The following FKTN variants were observed in gnomAD, a reference collection of about 807,000 sequenced individuals.
The protein encoded by FKTN is ribitol-5-phosphate transferase FKTN.
A neutral mutation model predicts 58.6 loss-of-function variants in FKTN; 47 were observed. The observed-to-expected ratio is 0.80, with a 90% confidence interval of 0.63 to 1.02. The LOEUF (loss-of-function observed/expected upper bound fraction) is 1.02, where lower values mean the gene tolerates loss of function less well. FKTN is among the 50% of genes least tolerant of loss of function. The pLI is 0.00. For synonymous variants in FKTN, 178 were observed against 191.9 expected (o/e 0.93, Z 0.60); for missense variants, 516 against 537.3 (o/e 0.96, Z 0.39).
intron 10 of FKTN, among the ~76,000 whole-genome samples, chr9:105,631,089 C>A (rs538110357): frequency 6.6e-6 from 1 of 152,110 alleles, no homozygotes; most frequent in South Asian, 2.1e-4. Flanking sequence ...GCTGAGGTCG[C>A]ACCACTGTAC....
At chr9:105,580,662 G>T (rs1403541786) in intron 3 of FKTN, among the ~76,000 whole-genome samples, 1 of 39,472 alleles carries the variant, frequency 2.5e-5, no homozygotes. Flanking sequence ...TGCTCTTCTC[G>T]AGGAGTATCT....
chr9:105,583,451 T>C (rs1159031541), intron 3 of FKTN, among the ~76,000 whole-genome samples: 3 of 152,174 alleles, frequency 2.0e-5, no homozygotes, highest in African/African-American at 2.4e-5. Context: ...CCATTAGAGG[T>C]CGTTTCTTTG....
At chr9:105,591,556 T>G (rs930022327) in intron 3 of FKTN, among the ~76,000 whole-genome samples, 2 of 152,206 alleles carry the variant, frequency 1.3e-5, no homozygotes, top group African/African-American at 4.8e-5. Flanking sequence ...CTTGGGCAGC[T>G]CAGACCCTGT....
At chr9:105,626,981 C>CTTTT (rs60710867) in intron 10 of FKTN, among the ~76,000 whole-genome samples, 80 of 128,026 alleles carry the variant, frequency 6.2e-4, no homozygotes, top group African/African-American at 2.3e-3. Context: ...CTTCTTTATT[C>CTTTT]TTTTTTTTTT....
chr9:105,584,109 A>T (rs1340948460), intron 3 of FKTN, among the ~76,000 whole-genome samples: 1 of 152,184 alleles, frequency 6.6e-6, no homozygotes, highest in East Asian at 1.9e-4. Context: ...CTTGACTTCT[A>T]AATGCCTTTG....
intron 9 of FKTN, 129 bp downstream of exon 9, chr9:105,618,221 T>A (rs868295946): frequency 2.4e-6 from 2 of 816,740 alleles, no homozygotes; most frequent in Middle Eastern, 3.0e-4. Flanking sequence ...CTAGGATGAG[T>A]TCAGCAGAAG....
chr9:105,599,887 C>T (rs1386635749), intron 4 of FKTN, among the ~76,000 whole-genome samples: 2 of 151,900 alleles, frequency 1.3e-5, no homozygotes. Context: ...AATTGGTATT[C>T]TTCCTTAAAA....
At chr9:105,595,796 G>A (rs1826676772) in intron 3 of FKTN, among the ~76,000 whole-genome samples, 1 of 152,142 alleles carries the variant, frequency 6.6e-6, no homozygotes, top group African/African-American at 2.4e-5. Flanking sequence ...CATTTTTAGG[G>A]TGAGACTACT....
chr9:105,602,600 G>A (rs976719953), intron 5 of FKTN, among the ~76,000 whole-genome samples: 9 of 152,236 alleles, frequency 5.9e-5, no homozygotes, highest in African/African-American at 1.9e-4. Flanking sequence ...GTGTCACCCA[G>A]GCTGGAGTGC....
At chr9:105,590,331 T>C (rs1029812639) in intron 3 of FKTN, among the ~76,000 whole-genome samples, 8 of 152,204 alleles carry the variant, frequency 5.3e-5, no homozygotes, top group Non-Finnish European at 4.4e-5. Flanking sequence ...CCTTTCACCT[T>C]CTGCCATGAT....
chr9:105,607,737 G>C, intron 6 of FKTN, 82 bp from the exon 7 acceptor site: 1 of 1,240,772 alleles, frequency 8.1e-7, no homozygotes, highest in Non-Finnish European at 1.2e-6. Flanking sequence ...TTTAAGCTCT[G>C]CACGCATTAG....
At chr9:105,574,178 G>A (rs1456161097) in intron 2 of FKTN, 1 of 151,872 alleles carries the variant, frequency 6.6e-6, no homozygotes, top group Non-Finnish European at 1.5e-5. Context: ...TAAATTTGTT[G>A]GTTTCTTCTT....
intron 3 of FKTN, among the ~76,000 whole-genome samples, chr9:105,584,534 T>C (rs891028812): frequency 2.6e-5 from 4 of 152,272 alleles, no homozygotes; most frequent in Admixed American, 2.6e-4. Context: ...TATTGAAATA[T>C]ATGGAGTGGG....
intron 1 of FKTN, among the ~76,000 whole-genome samples, chr9:105,564,265 C>T (rs1005186086): frequency 5.9e-5 from 9 of 152,232 alleles, no homozygotes; most frequent in African/African-American, 2.2e-4. Context: ...AGGAACGCAG[C>T]TCCTCACCAG....
chr9:105,567,163 C>T (rs10991686), intron 1 of FKTN, among the ~76,000 whole-genome samples: 18,821 of 152,010 alleles, frequency 0.12, 1,490 homozygotes, highest in Admixed American at 0.23. Flanking sequence ...TAATAAGAGC[C>T]GTTTATGACA....
At position 105,638,208 on chromosome 9, in the gene FKTN, T is replaced by C; in HGVS notation, c.*2944T>C. ...ATGTCTGTTTCGCATCACAACACAGTATCTTTAACAGTGCTTGAGATGCTT... is the reference window on the plus strand; with the variant it reads ...ATGTCTGTTTCGCATCACAACACAGCATCTTTAACAGTGCTTGAGATGCTT... On this transcript the variant is annotated 3_prime_UTR_variant, in exon 11 of 11. Transcript: ENST00000357998. 1.0e-6 allele frequency: 1 copy of C among 985,406 alleles called. No homozygotes were observed. Among genetic ancestry groups the C allele is most frequent in the Non-Finnish European group, 1.2e-6 (1 of 829,924 alleles). 61.0% of individuals were successfully genotyped at this position (985,406 alleles called of 1,614,324 possible).
At chr9:105,601,883 T>C (rs1255270881) in intron 5 of FKTN, among the ~76,000 whole-genome samples, 1 of 152,224 alleles carries the variant, frequency 6.6e-6, no homozygotes, top group Admixed American at 6.5e-5. Flanking sequence ...CCTATATACA[T>C]AATTCCCCAA....
chr9:105,634,067 A>G (rs1833794037), intron 10 of FKTN, among the ~76,000 whole-genome samples: 1 of 152,198 alleles, frequency 6.6e-6, no homozygotes, highest in Non-Finnish European at 1.5e-5. Context: ...CTTTTCTAGT[A>G]TACATAATTT....
At chr9:105,598,378 T>TG in intron 4 of FKTN, 5 of 178,820 alleles carry the variant, frequency 2.8e-5, no homozygotes, top group South Asian at 1.1e-4. Context: ...GCTCAATGTT[T>TG]ATGGAGTTAT....
Sources: allele counts gnomAD v4.1 joint callset (sites outside exome capture counted in the v4.1 genomes callset), GRCh38; gene constraint gnomAD v4.1.1; transcripts MANE v1.5; gene names NCBI Gene and HGNC (gene_info 2026-07-23, HGNC 2026-07-21).